The following APP variants were observed in gnomAD, a reference collection of about 807,000 sequenced individuals.
APP encodes amyloid beta precursor protein.
A neutral mutation model predicts 101.4 loss-of-function variants in APP; 31 were observed. The ratio of observed to expected loss-of-function variants is 0.31; its 90% CI spans 0.23 to 0.41. APP has a LOEUF of 0.41. Among genes scored for constraint, APP ranks in the 10% least tolerant of loss-of-function variants. The pLI is 1.00. For synonymous variants in APP, 366 were observed against 364.4 expected (o/e 1.00, Z -0.05); for missense variants, 839 against 1,003.7 (o/e 0.84, Z 2.22).
At chr21:26,150,886 T>A (rs1234373339) in intron 1 of APP, among the ~76,000 whole-genome samples, 1 of 152,264 alleles carries the variant, frequency 6.6e-6, no homozygotes, top group Non-Finnish European at 1.5e-5. Context: ...TTACTCATTA[T>A]GTAGTTACAG....
rs1349028550 is a variant in APP at position 26,108,471 on chromosome 21, C to T, written c.225+3508G>A. On this transcript the variant is annotated intron_variant, in intron 2 of 17. Coordinates refer to ENST00000346798, the MANE Select transcript of APP (RefSeq NM_000484.4). ...AGTGGCTACAGTACTGGACAGCACA[C>T]GGCTAGAGGCTGCAGCATGGCAGTC... Among the ~76,000 whole-genome samples the T allele has an allele frequency of 3.3e-5, 5 of 152,248 alleles. No individual in the cohort carries two copies. The East Asian group carries it at 9.6e-4, about 29-fold the overall frequency.
At chr21:25,903,415 A>C (rs2038618829) in intron 15 of APP, among the ~76,000 whole-genome samples, 1 of 152,102 alleles carries the variant, frequency 6.6e-6, no homozygotes. Context: ...AAAAAAGAAA[A>C]AAACATTGAC....
intron 14 of APP, among the ~76,000 whole-genome samples, chr21:25,908,278 G>A (rs1010644541): frequency 2.0e-5 from 3 of 152,172 alleles, no homozygotes; most frequent in Non-Finnish European, 4.4e-5. Context: ...GCAAATCACA[G>A]CACATTGGAA....
chr21:26,086,063 C>T, intron 3 of APP, among the ~76,000 whole-genome samples: 1 of 152,136 alleles, frequency 6.6e-6, no homozygotes, highest in East Asian at 1.9e-4. Flanking sequence ...GAGACAAGTA[C>T]AGAAAAGTGC....
chr21:25,969,923 A>AGGGGG (rs2041960235), intron 11 of APP, among the ~76,000 whole-genome samples: 1 of 6,748 alleles, frequency 1.5e-4, no homozygotes, highest in African/African-American at 1.1e-3. Context: ...GGGGAAGAGA[A>AGGGGG]AAGGAAAGGA....
chr21:25,972,898 C>G (rs765555136), intron 11 of APP, among the ~76,000 whole-genome samples: 1 of 151,670 alleles, frequency 6.6e-6, no homozygotes, highest in Non-Finnish European at 1.5e-5. Flanking sequence ...TGACAACAAC[C>G]GCTTACAGAG....
At chr21:25,939,944 A>G (rs924303532) in intron 13 of APP, among the ~76,000 whole-genome samples, 3 of 152,176 alleles carry the variant, frequency 2.0e-5, no homozygotes, top group Non-Finnish European at 4.4e-5. Flanking sequence ...AATCAGAATT[A>G]TATAGGAATT....
At chr21:26,030,760 G>A (rs887671332) in intron 5 of APP, among the ~76,000 whole-genome samples, 2 of 152,192 alleles carry the variant, frequency 1.3e-5, no homozygotes, top group African/African-American at 4.8e-5. Flanking sequence ...TCAGATGCTA[G>A]GCCAGAAAAC....
intron 3 of APP, among the ~76,000 whole-genome samples, chr21:26,080,622 T>A (rs2061578950): frequency 6.6e-6 from 1 of 151,468 alleles, no homozygotes. Flanking sequence ...CAAAAAAAAA[T>A]TAGCCAGTAG....
chr21:26,126,424 T>A (rs2062686068), intron 1 of APP, among the ~76,000 whole-genome samples: 1 of 152,216 alleles, frequency 6.6e-6, no homozygotes, highest in Non-Finnish European at 1.5e-5. Context: ...TTGTTTTCTG[T>A]GTACGGCCAA....
chr21:25,901,518 T>C (rs2038485635), intron 15 of APP, among the ~76,000 whole-genome samples: 1 of 152,198 alleles, frequency 6.6e-6, no homozygotes. Flanking sequence ...TTGTTTAGCA[T>C]GAATAGTCAT....
chr21:25,910,014 A>G (rs894496365), intron 14 of APP, among the ~76,000 whole-genome samples: 1 of 152,192 alleles, frequency 6.6e-6, no homozygotes, highest in Non-Finnish European at 1.5e-5. Context: ...AATAGTCTAT[A>G]TATTTTCTGC....
At chr21:26,129,663 C>T (rs759600878) in intron 1 of APP, among the ~76,000 whole-genome samples, 3 of 151,826 alleles carry the variant, frequency 2.0e-5, no homozygotes, top group Non-Finnish European at 4.4e-5. Flanking sequence ...TAAAGTGACA[C>T]GAAGTATAGA....
intron 9 of APP, 119 bp downstream of exon 9, chr21:25,982,225 T>C: frequency 1.7e-6 from 2 of 1,182,338 alleles, no homozygotes; most frequent in South Asian, 1.2e-5. Context: ...CATTTAAAAT[T>C]AGAACTTTAC....
intron 1 of APP, among the ~76,000 whole-genome samples, chr21:26,144,108 G>T (rs1028597729): frequency 6.6e-6 from 1 of 151,950 alleles, no homozygotes; most frequent in African/African-American, 2.4e-5. Context: ...CCAAGCAAAA[G>T]GGGGGAAAAG....
intron 3 of APP, among the ~76,000 whole-genome samples, chr21:26,069,538 A>G (rs1036290019): frequency 2.6e-5 from 4 of 152,118 alleles, no homozygotes; most frequent in African/African-American, 9.7e-5. Flanking sequence ...CACTGCACAT[A>G]TCACCAACGA....
At chr21:26,056,545 C>T (rs188182703) in intron 3 of APP, among the ~76,000 whole-genome samples, 1 of 150,952 alleles carries the variant, frequency 6.6e-6, no homozygotes, top group East Asian at 2.0e-4. Context: ...CCAAGTCTGC[C>T]CACCCACCAC....
intron 11 of APP, among the ~76,000 whole-genome samples, chr21:25,958,484 A>G (rs540498541): frequency 2.6e-4 from 40 of 152,254 alleles, no homozygotes; most frequent in South Asian, 4.1e-4. Context: ...TCGCCATGTT[A>G]GCCAGGATGG....
chr21:25,921,346 A>G (rs1283515109), intron 13 of APP, among the ~76,000 whole-genome samples: 1 of 122,166 alleles, frequency 8.2e-6, no homozygotes, highest in Non-Finnish European at 1.7e-5. Flanking sequence ...AACACATTCA[A>G]AAGCTAGCAG....
Sources: allele counts gnomAD v4.1 joint callset (sites outside exome capture counted in the v4.1 genomes callset), GRCh38; gene constraint gnomAD v4.1.1; transcripts MANE v1.5; gene names NCBI Gene and HGNC (gene_info 2026-07-23, HGNC 2026-07-21).